The following SMARCC2 variants were observed in gnomAD, a reference collection of about 807,000 sequenced individuals.
SMARCC2 encodes the protein SWI/SNF complex subunit SMARCC2.
A neutral mutation model predicts 151.3 loss-of-function variants in SMARCC2; 15 were observed. The ratio of observed to expected loss-of-function variants is 0.10; its 90% CI spans 0.07 to 0.15. SMARCC2 has a LOEUF of 0.15. Among genes scored for constraint, SMARCC2 ranks in the 10% least tolerant of loss-of-function variants. The pLI is 1.00. For synonymous variants in SMARCC2, 590 were observed against 609.5 expected (o/e 0.97, Z 0.47); for missense variants, 1,031 against 1,599.7 (o/e 0.64, Z 6.06).
intron 11 of SMARCC2, among the ~76,000 whole-genome samples, chr12:56,179,681 T>A (rs905868611): frequency 2.6e-5 from 4 of 152,210 alleles, no homozygotes; most frequent in African/African-American, 9.6e-5. Context: ...GAACTTCTCT[T>A]CATGTTTTTT....
intron 1 of SMARCC2, 46 bp downstream of exon 1, chr12:56,189,305 T>A (rs1285976566): frequency 7.8e-7 from 1 of 1,284,774 alleles, no homozygotes; most frequent in Admixed American, 2.2e-5. Context: ...CCGCGGTCCC[T>A]TTGTCCCGCC....
In SMARCC2 at chr12:56,178,264, T is replaced by G. The variant is rs550590121; in HGVS notation, c.1310+140A>C. 5 of 1,020,078 alleles carry G rather than the reference T, an allele frequency of 4.9e-6. No homozygotes were observed. In the South Asian group the frequency reaches 7.4e-5, roughly 15 times the overall value. The allele number at this position is 1,020,078 out of a possible 1,614,324, so 63.2% of individuals were successfully genotyped here. ...TAAGACTCAAAAGGACACAAGGAGC[T>G]CCCCTAAAACTAAAGTGTACTCTGG... On this transcript the variant is annotated intron_variant, in intron 14 of 28. Coordinates refer to ENST00000550164, the MANE Select transcript of SMARCC2 (RefSeq NM_001330288.2).
Position 56,169,523 on chromosome 12 carries a change from C to A in SMARCC2, c.2715+6G>T. The A allele has an allele frequency of 6.2e-7, 1 of 1,613,752 alleles. No individual in the cohort carries two copies. The highest frequency in any genetic ancestry group is 8.5e-7 in the Non-Finnish European group (1 of 1,179,808). ...CTTCCCTGAGGTCTTCAAGGTCTGG[C>A]CTCACCTTAGCTTTCACTGCGGCGG... On this transcript the variant is annotated splice_donor_region_variant and intron_variant, in intron 25 of 28. Transcript: ENST00000550164.
rs749666044 is a variant in SMARCC2 at position 56,189,375 on chromosome 12, C to T, written c.87G>A (p.Leu29=). 6 of 1,541,178 alleles carry T rather than the reference C, an allele frequency of 3.9e-6. No homozygotes were observed. Among genetic ancestry groups the T allele is most frequent in the Non-Finnish European group, 5.3e-6 (6 of 1,140,750 alleles). ...DTVTQFDNVR[L]WLGKNYKKYI... ...CCTTCTTGTAGTTCTTGCCGAGCCA[C>T]AGCCGCACGTTGTCGAACTGGGTCA... The change falls in exon 1 of 29, where the codon CTG becomes CTA. Residue 29 remains leucine (L), a synonymous_variant. Coordinates refer to ENST00000550164, the MANE Select transcript of SMARCC2 (RefSeq NM_001330288.2).
chr12:56,173,881 C>G (rs140796117), intron 16 of SMARCC2, 32 bp from the exon 17 acceptor site: 1 of 1,589,978 alleles, frequency 6.3e-7, no homozygotes. Flanking sequence ...CAGGGTCACA[C>G]GGATAGCCAG....
intron 13 of SMARCC2, 122 bp from the exon 14 acceptor site, chr12:56,178,656 G>A: frequency 6.7e-7 from 1 of 1,486,822 alleles, no homozygotes. Context: ...GCAGTCATGG[G>A]CCCCAGGACT....
chr12:56,176,002 G>A (rs987175395), intron 15 of SMARCC2, among the ~76,000 whole-genome samples: 1 of 152,020 alleles, frequency 6.6e-6, no homozygotes, highest in Non-Finnish European at 1.5e-5. Context: ...GGGATTACAG[G>A]TGCGTGCCTC....
chr12:56,165,535 TGGG>T lies in SMARCC2; in HGVS notation c.3012_3014del (p.Pro1005del). 6.2e-7 allele frequency: 1 copy of T among 1,610,826 alleles called. No homozygotes were observed. Reference sequence around the variant, plus strand: ...CTGCGGGTGGCCCAGCAGCCCCTGTTGGGGGGATAGGCTGGGAGCCTGGGGGCA... The same window carrying T: ...CTGCGGGTGGCCCAGCAGCCCCTGTTGGGATAGGCTGGGAGCCTGGGGGCA... On this transcript the variant is annotated inframe_deletion, in exon 27 of 29. Coordinates refer to ENST00000550164, the MANE Select transcript of SMARCC2 (RefSeq NM_001330288.2).
In SMARCC2 at chr12:56,186,127, A is replaced by C. The variant is rs570790571; in HGVS notation, c.317+28T>G. On this transcript the variant is annotated intron_variant, in intron 3 of 28. Transcript: ENST00000550164. Reference sequence around the variant, plus strand: ...AAGGGGGATTTCCTCTAAACTAAATATAAGAAGAATAGAGAGAATCATCTC... The same window carrying C: ...AAGGGGGATTTCCTCTAAACTAAATCTAAGAAGAATAGAGAGAATCATCTC... The C allele has an allele frequency of 1.2e-4, 175 of 1,451,948 alleles. 1 individual carries two copies. In the South Asian group the frequency reaches 1.9e-3, roughly 16 times the overall value. 89.9% of individuals were successfully genotyped at this position (1,451,948 alleles called of 1,614,324 possible).
chr12:56,181,290 A>C (rs113575770), intron 10 of SMARCC2, 189 bp from the exon 11 acceptor site: 17 of 661,132 alleles, frequency 2.6e-5, no homozygotes, highest in Non-Finnish European at 4.1e-5. Context: ...CTTTAAATGT[A>C]CTAGTGGGGC....
intron 20 of SMARCC2, 84 bp downstream of exon 20, chr12:56,172,344 A>G: frequency 7.8e-7 from 1 of 1,278,022 alleles, no homozygotes; most frequent in Non-Finnish European, 1.1e-6. Flanking sequence ...GGCCTCCCAA[A>G]GTGCTGGGAT....
chr12:56,166,148 CTT>C (rs1872728596), intron 26 of SMARCC2, among the ~76,000 whole-genome samples: 1 of 152,088 alleles, frequency 6.6e-6, no homozygotes, highest in South Asian at 2.1e-4. Context: ...TGTGCAATCT[CTT>C]TATTTTTTTG....
At chr12:56,182,982 T>C (rs1472494918) in intron 7 of SMARCC2, among the ~76,000 whole-genome samples, 2 of 150,186 alleles carry the variant, frequency 1.3e-5, no homozygotes, top group African/African-American at 2.5e-5. Flanking sequence ...TACAGGTGCA[T>C]GCCACCATGC....
rs552814407 is a variant in SMARCC2 at position 56,163,738 on chromosome 12, G to T, written c.3689C>A (p.Pro1230His). ...PDPGTPLPPD[P>H]TAPSPGTVTP... is the part of the protein sequence containing the mutation. ...GACCGTGCCTGGGCTCGGGGCTGTG[G>T]GGTCTGGAGGCAGGGGGGTGCCTGG... Residue 1230 changes from proline to histidine, a missense_variant, in exon 29 of 29, where the codon CCC becomes CAC. Physicochemically the swap from Pro to His is moderately conservative, Grantham distance 77. Coordinates refer to ENST00000550164, the MANE Select transcript of SMARCC2 (RefSeq NM_001330288.2). 1.3e-6 allele frequency: 2 copies of T among 1,512,726 alleles called. No homozygotes were observed. Among genetic ancestry groups the T allele is most frequent in the African/African-American group, 1.5e-5 (1 of 68,028 alleles). 93.7% of individuals were successfully genotyped at this position (1,512,726 alleles called of 1,614,324 possible).
intron 15 of SMARCC2, among the ~76,000 whole-genome samples, chr12:56,175,034 G>A (rs374538921): frequency 5.3e-4 from 81 of 151,526 alleles, no homozygotes; most frequent in African/African-American, 1.9e-3. Flanking sequence ...TTTTTGAGAT[G>A]GAGTTTCCCT....
rs112798117 is a variant in SMARCC2 at position 56,174,776 on chromosome 12, G to C, written c.1383-12C>G. On this transcript the variant is annotated splice_polypyrimidine_tract_variant and intron_variant, in intron 15 of 28. Transcript: ENST00000550164. ...GATAGGCCAGGTAGCTTAGAAGAAAGAGAGAGAGAAACAAGAAGAAGAAAA... is the reference window on the plus strand; with the variant it reads ...GATAGGCCAGGTAGCTTAGAAGAAACAGAGAGAGAAACAAGAAGAAGAAAA... 5.3e-6 allele frequency: 8 copies of C among 1,505,348 alleles called. No individual in the cohort carries two copies. The highest frequency in any genetic ancestry group is 1.4e-5 in the African/African-American group (1 of 72,470). 93.2% of individuals were successfully genotyped at this position (1,505,348 alleles called of 1,614,324 possible).
rs1877007201 is a variant in SMARCC2, at chr12:56,185,252, C to T, written c.318-141G>A. 4 of 648,244 alleles carry T rather than the reference C, an allele frequency of 6.2e-6. No homozygotes were observed. In the Admixed American group the frequency reaches 6.8e-5, roughly 11 times the overall value. 40.2% of individuals were successfully genotyped at this position (648,244 alleles called of 1,614,324 possible). A position where few individuals can be genotyped will look rare whatever the true frequency, so the allele number is the denominator to read the frequency against. The stretch of plus-strand genomic sequence containing the variant: ...GGAGTGCAGTGGCGCGATCCCGGCT[C>T]ACTGCAACCTCTGCCTCCCAGGTTC... On this transcript the variant is annotated intron_variant, in intron 3 of 28. Coordinates refer to ENST00000550164, the MANE Select transcript of SMARCC2 (RefSeq NM_001330288.2).
At position 56,189,394 on chromosome 12, in the gene SMARCC2, T is replaced by A. The variant is rs748343860; in HGVS notation, c.68A>T (p.Gln23Leu). The change falls in exon 1 of 29, where the codon CAG becomes CTG. Residue 23 changes from glutamine (Q) to leucine (L), a missense_variant. By Grantham distance (113) the Gln-to-Leu change is moderately radical. This residue lies in a region of SMARCC2 where 50 missense variants were observed against 52.4 expected (regional missense o/e 0.95). Coordinates refer to ENST00000550164, the MANE Select transcript of SMARCC2 (RefSeq NM_001330288.2). Reference protein sequence around the residue: ...KYYEAADTVTQFDNVRLWLGK... With the variant: ...KYYEAADTVTLFDNVRLWLGK... ...GAGCCACAGCCGCACGTTGTCGAAC[T>A]GGGTCACGGTGTCCGCGGCCTCGTA... 3 of 1,540,648 alleles carry A rather than the reference T, an allele frequency of 1.9e-6. No individual in the cohort carries two copies. Among genetic ancestry groups the A allele is most frequent in the Non-Finnish European group, 1.8e-6 (2 of 1,140,676 alleles).
chr12:56,171,378 A>T lies in SMARCC2; in HGVS notation c.2240T>A (p.Val747Asp). 2 of 1,614,128 alleles carry T rather than the reference A, an allele frequency of 1.2e-6. No individual in the cohort carries two copies. ...TTTGGCTGCTTCTTCCACTTTTCGA[A>T]CATGGGCCTCCACCAAGGCCGTGGG... ...EVPTALVEAH[V>D]RKVEEAAKVT... Residue 747 changes from valine to aspartate, a missense_variant, in exon 22 of 29, where the codon GTT (valine) becomes GAT (aspartate). Physicochemically the swap from Val to Asp is radical, Grantham distance 152. Transcript: ENST00000550164. This position sits in a 1 kb window ranked among gnomAD's most constrained non-coding sequence, Gnocchi z 4.2.
Sources: allele counts gnomAD v4.1 joint callset (sites outside exome capture counted in the v4.1 genomes callset), GRCh38; gene constraint gnomAD v4.1.1; regional missense constraint gnomAD v4.1.1; non-coding constraint Gnocchi (gnomAD v3.1); transcripts MANE v1.5; gene names NCBI Gene and HGNC (gene_info 2026-07-23, HGNC 2026-07-21).